Variants in KMT2C observed in about 807,000 individuals in gnomAD.
KMT2C encodes lysine methyltransferase 2C.
A neutral mutation model predicts 507.9 loss-of-function variants in KMT2C; 88 were observed. The ratio of observed to expected loss-of-function variants is 0.17; its 90% CI spans 0.15 to 0.21. KMT2C has a LOEUF of 0.21. Ranked by LOEUF, KMT2C falls within the 10% of genes least tolerant of loss-of-function variation. The probability of loss-of-function intolerance (pLI) is 1.00; values close to 1 mark genes in which losing one functional copy is unlikely to be tolerated. For missense variants in KMT2C, 4,954 were observed against 5,957.8 expected, an observed-to-expected ratio of 0.83 and a Z score of 5.55; for synonymous variants, 2,049 against 2,080.8, an observed-to-expected ratio of 0.98 and a Z score of 0.42.
intron 2 of KMT2C, among the ~76,000 whole-genome samples, chr7:152,349,754 TA>T (rs2097095216): frequency 6.6e-6 from 1 of 152,064 alleles, no homozygotes; most frequent in African/African-American, 2.4e-5. Flanking sequence ...CCATAGAATG[TA>T]AACCAAGAGT....
intron 57 of KMT2C, 42 bp downstream of exon 57, chr7:152,139,144 C>A (rs377694767): frequency 6.3e-7 from 1 of 1,595,554 alleles, no homozygotes; most frequent in South Asian, 1.1e-5. Context: ...GCACTGGCCC[C>A]ACAAGCAAAA....
intron 23 of KMT2C, among the ~76,000 whole-genome samples, chr7:152,219,669 C>T (rs555096889): frequency 1.2e-4 from 18 of 151,886 alleles, no homozygotes; most frequent in South Asian, 4.2e-4. Context: ...AATAAATAAC[C>T]GCCCCAAAAA....
At chr7:152,275,410 G>A (rs1248815528) in intron 6 of KMT2C, among the ~76,000 whole-genome samples, 3 of 152,170 alleles carry the variant, frequency 2.0e-5, no homozygotes, top group South Asian at 4.1e-4. Flanking sequence ...CAGACGTGGT[G>A]GCGGGCGCCT....
chr7:152,354,747 G>A (rs1453172488), intron 2 of KMT2C, among the ~76,000 whole-genome samples: 1 of 152,198 alleles, frequency 6.6e-6, no homozygotes, highest in South Asian at 2.1e-4. Flanking sequence ...GAAAAGCCAG[G>A]AGGCCAGTAA....
intron 3 of KMT2C, among the ~76,000 whole-genome samples, chr7:152,317,052 T>G (rs759134223): frequency 6.6e-6 from 1 of 152,166 alleles, no homozygotes; most frequent in Non-Finnish European, 1.5e-5. Flanking sequence ...TTATCAACAT[T>G]GATTGTAACA....
At chr7:152,139,129 C>T (rs994234059) in intron 57 of KMT2C, 57 bp downstream of exon 57, 2 of 1,529,118 alleles carry the variant, frequency 1.3e-6, no homozygotes, top group African/African-American at 2.7e-5. Flanking sequence ...GTGTTCTCTC[C>T]ACCAGCACTG....
intron 3 of KMT2C, among the ~76,000 whole-genome samples, chr7:152,324,265 T>A (rs1476341633): frequency 6.6e-6 from 1 of 150,852 alleles, no homozygotes; most frequent in African/African-American, 2.4e-5. Flanking sequence ...GTGATTGTGG[T>A]TCTGCCATTA....
chr7:152,371,230 T>C (rs1275461313), intron 1 of KMT2C, among the ~76,000 whole-genome samples: 4 of 152,156 alleles, frequency 2.6e-5, no homozygotes, highest in Non-Finnish European at 5.9e-5. Flanking sequence ...ATATAAAAGA[T>C]ATACATTATG....
In KMT2C at chr7:152,358,624, C is replaced by A. The variant is rs777506640; in HGVS notation, c.213G>T (p.Gly71=). The change falls in exon 2 of 59, where the codon GGG becomes GGT. Residue 71 remains glycine, a synonymous_variant. Coordinates refer to ENST00000262189, the MANE Select transcript of KMT2C (RefSeq NM_170606.3). ...TAVEDEDSMD[G]LETTETETIV... ...TCGTTTCTGTTTCTGTTGTCTCCAG[C>A]CCATCCATGCTGTCCTCATCTTCCA... 2 of 1,611,922 alleles carry A rather than the reference C, an allele frequency of 1.2e-6. No homozygotes were observed. Among genetic ancestry groups the A allele is most frequent in the Non-Finnish European group, 1.7e-6 (2 of 1,178,742 alleles).
At chr7:152,160,230 C>T (rs892144775) in intron 43 of KMT2C, among the ~76,000 whole-genome samples, 22 of 152,262 alleles carry the variant, frequency 1.4e-4, no homozygotes, top group Non-Finnish European at 2.8e-4. Flanking sequence ...CGAAAGCAGG[C>T]TTAGACTGCT....
chr7:152,354,525 C>G (rs1329859522), intron 2 of KMT2C, among the ~76,000 whole-genome samples: 1 of 152,060 alleles, frequency 6.6e-6, no homozygotes, highest in Non-Finnish European at 1.5e-5. Flanking sequence ...CTGTTACGTA[C>G]TAGGAGAAAA....
intron 6 of KMT2C, among the ~76,000 whole-genome samples, chr7:152,290,125 A>C (rs2096384804): frequency 6.6e-6 from 1 of 151,554 alleles, no homozygotes; most frequent in African/African-American, 2.4e-5. Context: ...CAGTGAACCA[A>C]TATTTTCCAA....
In KMT2C at chr7:152,360,026, G is replaced by A. The variant is rs139852298; in HGVS notation, c.162-1351C>T. Among the ~76,000 whole-genome samples, 616 of 112,434 alleles carry A rather than the reference G, an allele frequency of 5.5e-3. 4 individuals carry two copies. The highest frequency in any genetic ancestry group is 0.021 in the African/African-American group (591 of 28,752). The allele number at this position is 112,434 out of a possible 152,430, so 73.8% of individuals were successfully genotyped here. On this transcript the variant is annotated intron_variant, in intron 1 of 58. Transcript: ENST00000262189. ...ATCATGCCACTGCACTCCAGCCTGG[G>A]CGACAGAGTGAGACTGTCTCAAACA...
rs148555192 is a variant in KMT2C, at chr7:152,365,834, C to A, written c.162-7159G>T. ...AATATAATTAGGTCTAAAATAGATT[C>A]TATTAGTGGGGCATAGTGGCATGTG... is the stretch of plus-strand genomic sequence containing the variant. On this transcript the variant is annotated intron_variant, in intron 1 of 58. Transcript: ENST00000262189. Among the ~76,000 whole-genome samples, 7 of 152,224 alleles carry A rather than the reference C, an allele frequency of 4.6e-5. No homozygotes were observed. In the East Asian group the frequency reaches 1.2e-3, roughly 25 times the overall value.
At chr7:152,185,287 A>C (rs1390013405) in intron 34 of KMT2C, among the ~76,000 whole-genome samples, 3 of 152,204 alleles carry the variant, frequency 2.0e-5, no homozygotes, top group Non-Finnish European at 4.4e-5. Context: ...GAGATAAAAC[A>C]ATTTTAAAGT....
chr7:152,220,877 A>C (rs1485755363), intron 22 of KMT2C, 142 bp from the exon 23 acceptor site: 2 of 637,644 alleles, frequency 3.1e-6, no homozygotes, highest in Non-Finnish European at 5.5e-6. Flanking sequence ...ATGAATAATT[A>C]ACTTCATGAT....
chr7:152,245,691 G>T (rs113632661), intron 14 of KMT2C, among the ~76,000 whole-genome samples: 388 of 138,458 alleles, frequency 2.8e-3, no homozygotes, highest in African/African-American at 4.0e-3. Flanking sequence ...TAATTTTGAA[G>T]TGAATTCCTA....
At chr7:152,306,491 A>C (rs2096616845) in intron 6 of KMT2C, among the ~76,000 whole-genome samples, 1 of 152,220 alleles carries the variant, frequency 6.6e-6, no homozygotes, top group African/African-American at 2.4e-5. Context: ...ATATGGATGT[A>C]ACACAGTTTA....
intron 14 of KMT2C, among the ~76,000 whole-genome samples, chr7:152,243,244 A>G (rs1289495656): frequency 6.6e-6 from 1 of 152,194 alleles, no homozygotes; most frequent in Non-Finnish European, 1.5e-5. Context: ...AGCAACAGTA[A>G]TATCTCCAAA....
Sources: gnomAD v4.1 joint callset for allele counts (sites outside exome capture counted in the v4.1 genomes callset) on GRCh38, gnomAD v4.1.1 for gene constraint, MANE v1.5 for transcripts, NCBI Gene and HGNC (gene_info 2026-07-23, HGNC 2026-07-21) for gene names.